The following BMERB1 variants were observed in gnomAD, a reference collection of about 807,000 sequenced individuals.
The protein encoded by BMERB1 is bMERB domain-containing protein 1.
A neutral mutation model predicts 23.6 loss-of-function variants in BMERB1; 12 were observed. The ratio of observed to expected loss-of-function variants is 0.51; its 90% CI spans 0.33 to 0.82. The LOEUF (loss-of-function observed/expected upper bound fraction) is 0.82, where lower values mean the gene tolerates loss of function less well. Ranked by LOEUF, BMERB1 falls within the 40% of genes least tolerant of loss-of-function variation. BMERB1 has a pLI of 0.03. For missense variants in BMERB1, 247 were observed against 255.4 expected (o/e 0.97, Z 0.22); for synonymous variants, 122 against 96.6 (o/e 1.26, Z -1.54).
intron 3 of BMERB1, among the ~76,000 whole-genome samples, chr16:15,577,439 T>G (rs2030894185): frequency 6.6e-6 from 1 of 152,174 alleles, no homozygotes; most frequent in South Asian, 2.1e-4. Flanking sequence ...GATACTTGCC[T>G]CCTCAGAGGA....
chr16:15,509,389 C>T (rs1179118109), intron 1 of BMERB1, among the ~76,000 whole-genome samples: 2 of 151,878 alleles, frequency 1.3e-5, no homozygotes, highest in Non-Finnish European at 2.9e-5. Flanking sequence ...CTGCAATGAT[C>T]TGGCTGTGTG....
chr16:15,538,696 A>G (rs1024678408), intron 2 of BMERB1, among the ~76,000 whole-genome samples: 5 of 152,198 alleles, frequency 3.3e-5, no homozygotes, highest in African/African-American at 9.7e-5. Context: ...CCAGGGCATC[A>G]TTAACCGCCT....
At chr16:15,463,611 CTCCTCTAATATAT>C (rs2051155411) in intron 1 of BMERB1, among the ~76,000 whole-genome samples, 1 of 152,098 alleles carries the variant, frequency 6.6e-6, no homozygotes, top group South Asian at 2.1e-4. Flanking sequence ...TTCACGTGGC[CTCCTCTAATATAT>C]TTTCAGTGTA....
chr16:15,511,107 G>C (rs956151763), intron 1 of BMERB1, among the ~76,000 whole-genome samples: 1 of 152,116 alleles, frequency 6.6e-6, no homozygotes, highest in African/African-American at 2.4e-5. Context: ...AGGGACAGTA[G>C]TAGGACCCGA....
At chr16:15,435,808 C>T (rs920139412) in intron 1 of BMERB1, among the ~76,000 whole-genome samples, 2 of 152,216 alleles carry the variant, frequency 1.3e-5, no homozygotes, top group African/African-American at 4.8e-5. Context: ...AGAAAATCTT[C>T]CTAGAAGGGC....
At chr16:15,498,116 C>T in intron 1 of BMERB1, among the ~76,000 whole-genome samples, 1 of 152,058 alleles carries the variant, frequency 6.6e-6, no homozygotes, top group Non-Finnish European at 1.5e-5. Context: ...TGAAGGGCAG[C>T]TTGCTGGGTC....
Position 15,476,424 on chromosome 16 carries a change from A to G in BMERB1, c.107-38881A>G, listed in dbSNP as rs1660311710. Among the ~76,000 whole-genome samples, 4 of 152,198 alleles carry G rather than the reference A, an allele frequency of 2.6e-5. No individual in the cohort carries two copies. The South Asian group carries it at 8.3e-4, about 32-fold the overall frequency. ...GCAATTCACCCACCTCAGCCTCCCA[A>G]AGTGCTGGGATTACAGGCGTGAGCC... On this transcript the variant is annotated intron_variant, in intron 1 of 5. Transcript: ENST00000300006.
chr16:15,434,778 G>T lies in BMERB1; in HGVS notation c.106+19G>T. 2.2e-6 allele frequency: 1 copy of T among 448,292 alleles called. No homozygotes were observed. 27.8% of individuals were successfully genotyped at this position (448,292 alleles called of 1,614,324 possible). ...GGGAGAAGTGAGTACTGGGGCGGGG[G>T]GCGGGGGGCCGGGGACAGCTGGGGA... On this transcript the variant is annotated intron_variant, in intron 1 of 5. Coordinates refer to ENST00000300006, the MANE Select transcript of BMERB1 (RefSeq NM_033201.3).
chr16:15,569,351 G>A (rs2285050), intron 3 of BMERB1, among the ~76,000 whole-genome samples: 1,625 of 152,252 alleles, frequency 0.011, 34 homozygotes, highest in East Asian at 0.09. Context: ...TTATAATCAT[G>A]GCGGAAGACA....
intron 1 of BMERB1, among the ~76,000 whole-genome samples, chr16:15,484,736 C>T (rs960898048): frequency 6.6e-6 from 1 of 152,212 alleles, no homozygotes; most frequent in African/African-American, 2.4e-5. Flanking sequence ...AGGCGAAATT[C>T]ACATAACATA....
chr16:15,497,410 A>G (rs1423753393), intron 1 of BMERB1, among the ~76,000 whole-genome samples: 1 of 152,200 alleles, frequency 6.6e-6, no homozygotes, highest in Non-Finnish European at 1.5e-5. Context: ...TTTGAGAGGC[A>G]AGGAATTCCC....
intron 2 of BMERB1, among the ~76,000 whole-genome samples, chr16:15,548,714 T>C (rs2029996134): frequency 6.6e-6 from 1 of 152,232 alleles, no homozygotes; most frequent in Admixed American, 6.5e-5. Context: ...GGGTCTCGCT[T>C]GCCTACAAAG....
At chr16:15,495,375 T>C (rs974960590) in intron 1 of BMERB1, among the ~76,000 whole-genome samples, 3 of 151,844 alleles carry the variant, frequency 2.0e-5, no homozygotes, top group East Asian at 3.9e-4. Flanking sequence ...TTTTTGTTTT[T>C]TGTTTTTTGA....
chr16:15,452,323 G>GGAGGGAGAGAGGGAGGGAGA (rs1555505639), intron 1 of BMERB1, among the ~76,000 whole-genome samples: 1 of 122,320 alleles, frequency 8.2e-6, no homozygotes, highest in Admixed American at 9.0e-5. Context: ...GGAGAGAGAG[G>GGAGGGAGAGAGGGAGGGAGA]GAGGGAGGGA....
At chr16:15,538,632 C>A (rs903788160) in intron 2 of BMERB1, among the ~76,000 whole-genome samples, 3 of 152,168 alleles carry the variant, frequency 2.0e-5, no homozygotes, top group African/African-American at 7.2e-5. Flanking sequence ...TCAGAGTATT[C>A]TGGACTGAAG....
intron 3 of BMERB1, among the ~76,000 whole-genome samples, chr16:15,574,894 A>T (rs2030818188): frequency 6.6e-6 from 1 of 152,126 alleles, no homozygotes; most frequent in African/African-American, 2.4e-5. Context: ...CCTGGCCAAC[A>T]TGGCGAGACC....
intron 2 of BMERB1, among the ~76,000 whole-genome samples, chr16:15,518,607 C>G (rs1355081140): frequency 1.3e-5 from 2 of 152,206 alleles, no homozygotes; most frequent in African/African-American, 2.4e-5. Context: ...TTGGCTGTTC[C>G]TCAGAGATGG....
At chr16:15,580,206 C>G (rs998532078) in intron 3 of BMERB1, among the ~76,000 whole-genome samples, 1 of 151,798 alleles carries the variant, frequency 6.6e-6, no homozygotes, top group Non-Finnish European at 1.5e-5. Flanking sequence ...AAGAGATCCA[C>G]CCACCTCAGC....
intron 3 of BMERB1, among the ~76,000 whole-genome samples, chr16:15,576,575 A>G (rs1305291421): frequency 6.6e-6 from 1 of 152,112 alleles, no homozygotes; most frequent in African/African-American, 2.4e-5. Context: ...GAGCTGCCTA[A>G]CAAATTGGTG....
Sources: allele counts gnomAD v4.1 joint callset (sites outside exome capture counted in the v4.1 genomes callset), GRCh38; gene constraint gnomAD v4.1.1; transcripts MANE v1.5; gene names NCBI Gene and HGNC (gene_info 2026-07-23, HGNC 2026-07-21).